Variants in USH2A observed in about 807,000 individuals in gnomAD.
The protein encoded by USH2A is Usher syndrome 2A (autosomal recessive, mild).
USH2A carries 443 observed loss-of-function variants against 538.9 expected under a neutral mutation model. The observed-to-expected ratio is 0.82, with a 90% confidence interval of 0.76 to 0.89. The LOEUF (loss-of-function observed/expected upper bound fraction) is 0.89, where lower values mean the gene tolerates loss of function less well. USH2A is among the 40% of genes least tolerant of loss of function. The pLI is 0.00. For missense variants in USH2A, 6,633 were observed against 6,324.8 expected (o/e 1.05, Z -1.65); for synonymous variants, 2,413 against 2,273.5 (o/e 1.06, Z -1.75).
At chr1:216,313,369 C>G (rs1196327000) in intron 9 of USH2A, among the ~76,000 whole-genome samples, 1 of 152,144 alleles carries the variant, frequency 6.6e-6, no homozygotes. Flanking sequence ...TTAATGAGCC[C>G]TGTGCTCATT....
rs11120732 is a variant in USH2A at position 216,071,691 on chromosome 1, C to G, written c.5857+1198G>C. 3.5e-3 allele frequency among the ~76,000 whole-genome samples: 530 copies of G among 152,242 alleles called. 5 individuals are homozygous for G. The highest frequency in any genetic ancestry group is 0.014 in the Middle Eastern group (4 of 294). On this transcript the variant is annotated intron_variant, in intron 29 of 71. Coordinates refer to ENST00000307340, the MANE Select transcript of USH2A (RefSeq NM_206933.4). Reference sequence around the variant, plus strand: ...ACTATTAAGCTAAGTAAGCAATGTGCTTTCCAGACGCCTATTAATGTTGCT... The same window carrying G: ...ACTATTAAGCTAAGTAAGCAATGTGGTTTCCAGACGCCTATTAATGTTGCT...
intron 22 of USH2A, among the ~76,000 whole-genome samples, chr1:216,090,513 CA>C (rs369542925): frequency 3.3e-5 from 5 of 150,424 alleles, no homozygotes; most frequent in African/African-American, 1.2e-4. Flanking sequence ...CCAACTTTTA[CA>C]GACAACTCCA....
At chr1:215,911,490 T>C (rs939189950) in intron 38 of USH2A, among the ~76,000 whole-genome samples, 3 of 152,024 alleles carry the variant, frequency 2.0e-5, no homozygotes, top group Admixed American at 2.0e-4. Flanking sequence ...TTTCATCTAA[T>C]GTAATAATCT....
chr1:216,400,966 A>G (rs1428071525), intron 3 of USH2A, among the ~76,000 whole-genome samples: 1 of 152,200 alleles, frequency 6.6e-6, no homozygotes, highest in Non-Finnish European at 1.5e-5. Flanking sequence ...AAACAAAATG[A>G]TAATAAAAGC....
intron 22 of USH2A, among the ~76,000 whole-genome samples, chr1:216,090,484 C>T (rs2032272542): frequency 6.7e-6 from 1 of 149,908 alleles, no homozygotes. Flanking sequence ...AGTGGGTTGT[C>T]TCTCACATGG....
chr1:216,058,350 A>C (rs1362203762), intron 30 of USH2A, among the ~76,000 whole-genome samples: 2 of 149,232 alleles, frequency 1.3e-5, no homozygotes, highest in African/African-American at 5.1e-5. Flanking sequence ...TTGTCTACAT[A>C]ATCTTATACT....
intron 16 of USH2A, among the ~76,000 whole-genome samples, chr1:216,205,865 T>C (rs1443434634): frequency 6.6e-6 from 1 of 152,176 alleles, no homozygotes. Context: ...ATTCTGTCTT[T>C]AGGGAAACTG....
intron 32 of USH2A, among the ~76,000 whole-genome samples, chr1:216,020,795 A>G (rs1275951261): frequency 6.6e-6 from 1 of 152,136 alleles, no homozygotes; most frequent in Non-Finnish European, 1.5e-5. Context: ...ACCTCCTAAA[A>G]GCCCCTAAAC....
intron 41 of USH2A, among the ~76,000 whole-genome samples, chr1:215,881,820 T>C (rs528289175): frequency 2.0e-3 from 304 of 148,542 alleles, no homozygotes; most frequent in Non-Finnish European, 3.9e-3. Flanking sequence ...GATTCAGGTT[T>C]CCATTTTTTC....
At chr1:216,009,212 C>T (rs185293063) in intron 32 of USH2A, among the ~76,000 whole-genome samples, 19 of 152,198 alleles carry the variant, frequency 1.2e-4, no homozygotes, top group South Asian at 4.1e-4. Flanking sequence ...CCCTTCCCTC[C>T]GTGTCTCTAC....
At chr1:216,129,363 C>T (rs2033321966) in intron 21 of USH2A, among the ~76,000 whole-genome samples, 1 of 151,932 alleles carries the variant, frequency 6.6e-6, no homozygotes, top group Non-Finnish European at 1.5e-5. Context: ...ATTTGCATTC[C>T]CACCAACAGT....
At chr1:216,113,780 G>A (rs566778760) in intron 21 of USH2A, among the ~76,000 whole-genome samples, 7 of 151,782 alleles carry the variant, frequency 4.6e-5, no homozygotes, top group East Asian at 1.9e-4. Flanking sequence ...CAATAATGGC[G>A]TCTTCCTTTG....
chr1:215,772,795 G>A (rs911216839), intron 55 of USH2A, among the ~76,000 whole-genome samples: 4 of 152,166 alleles, frequency 2.6e-5, no homozygotes, highest in Non-Finnish European at 5.9e-5. Context: ...ATGTTCTAAA[G>A]AATTACCAAA....
chr1:215,640,695 A>T lies in USH2A; in HGVS notation c.14831T>A (p.Leu4944Ter). The stretch of plus-strand genomic sequence containing the variant: ...ACTCCAGTTCACACACACCACAGAC[A>T]AATTGCTGTCCACCGAAAATGGGGC... ...YRAPFSVDSN[L>*]SVVCVNWSDT... The change falls in exon 68 of 72, where the codon TTG (leucine) becomes TAG (stop). Residue 4944 changes from leucine to a stop codon, truncating the protein, a stop_gained. Coordinates refer to ENST00000307340, the MANE Select transcript of USH2A (RefSeq NM_206933.4). LOFTEE classifies it high-confidence loss of function. The T allele has an allele frequency of 6.2e-7, 1 of 1,613,974 alleles. No homozygotes were observed. The highest frequency in any genetic ancestry group is 2.2e-5 in the East Asian group (1 of 44,854).
chr1:215,794,454 C>G (rs967255300), intron 50 of USH2A, among the ~76,000 whole-genome samples: 41 of 151,962 alleles, frequency 2.7e-4, no homozygotes, highest in African/African-American at 9.9e-4. Flanking sequence ...AGCAGGTATG[C>G]TGTTTGTTGC....
At chr1:215,870,963 T>C (rs1329379740) in intron 43 of USH2A, among the ~76,000 whole-genome samples, 1 of 152,180 alleles carries the variant, frequency 6.6e-6, no homozygotes, top group East Asian at 1.9e-4. Flanking sequence ...ACAAAGTGTG[T>C]TCTCTAGGCA....
chr1:216,177,970 A>G (rs2034423206), intron 20 of USH2A, among the ~76,000 whole-genome samples: 1 of 152,174 alleles, frequency 6.6e-6, no homozygotes, highest in African/African-American at 2.4e-5. Flanking sequence ...ACACAGCCAT[A>G]CACAGACGCA....
intron 21 of USH2A, among the ~76,000 whole-genome samples, chr1:216,159,904 T>G (rs1379516362): frequency 6.6e-6 from 1 of 152,140 alleles, no homozygotes; most frequent in Non-Finnish European, 1.5e-5. Context: ...TTTTCTCCCA[T>G]GCAAAGGATC....
At chr1:216,198,251 T>C in intron 18 of USH2A, 64 bp downstream of exon 18, 1 of 1,610,370 alleles carries the variant, frequency 6.2e-7, no homozygotes, top group Admixed American at 1.7e-5. Flanking sequence ...TACTTTGACT[T>C]TAATTTGAGG....
Sources: gnomAD v4.1 joint callset for allele counts (sites outside exome capture counted in the v4.1 genomes callset) on GRCh38, gnomAD v4.1.1 for gene constraint, MANE v1.5 for transcripts, NCBI Gene and HGNC (gene_info 2026-07-23, HGNC 2026-07-21) for gene names.